KLRF1: variants seen among roughly 807,000 people sequenced by gnomAD.
KLRF1 encodes killer cell lectin like receptor F1.
KLRF1 carries 27 observed loss-of-function variants against 30.7 expected under a neutral mutation model. The ratio of observed to expected loss-of-function variants is 0.88; its 90% CI spans 0.65 to 1.21. The LOEUF (loss-of-function observed/expected upper bound fraction) is 1.21. Among genes scored for constraint, KLRF1 ranks in the 50% most tolerant of loss-of-function variants. The pLI is 0.00. For missense variants in KLRF1, 246 were observed against 259.3 expected (o/e 0.95, Z 0.35); for synonymous variants, 92 against 89.3 (o/e 1.03, Z -0.17).
At chr12:9,823,236 A>AAG (rs1555118987), upstream of KLRF1, among the ~76,000 whole-genome samples, 1 of 144,748 alleles carries the variant, frequency 6.9e-6, no homozygotes, top group East Asian at 1.9e-4. Context: ...AAAAAAAAAA[A>AAG]CAAAAACTCA....
the KLRF1 span, among the ~76,000 whole-genome samples, chr12:9,810,500 T>G: frequency 6.6e-6 from 1 of 152,208 alleles, no homozygotes; most frequent in Non-Finnish European, 1.5e-5. Flanking sequence ...TAAAAGATGT[T>G]TGAAGTCTAA....
chr12:9,812,297 A>G, the KLRF1 span, among the ~76,000 whole-genome samples: 7 of 148,924 alleles, frequency 4.7e-5, no homozygotes, highest in South Asian at 2.1e-4. Context: ...TCCGGGAGTC[A>G]GAGCTTGCAG....
chr12:9,806,769 C>T, the KLRF1 span, among the ~76,000 whole-genome samples: 1 of 152,130 alleles, frequency 6.6e-6, no homozygotes, highest in African/African-American at 2.4e-5. Flanking sequence ...GCAACCTTAA[C>T]CTCTTGGGCT....
intron 3 of KLRF1, among the ~76,000 whole-genome samples, chr12:9,837,159 T>G (rs1867594967): frequency 6.6e-6 from 1 of 152,068 alleles, no homozygotes; most frequent in African/African-American, 2.4e-5. Flanking sequence ...CAAATCTTCT[T>G]TCGGTCTATA....
upstream of KLRF1, among the ~76,000 whole-genome samples, chr12:9,822,680 T>C (rs182099534): frequency 7.2e-5 from 11 of 152,224 alleles, no homozygotes; most frequent in East Asian, 2.1e-3. Flanking sequence ...AGTGGCAAGC[T>C]GGATAAAAAA....
the KLRF1 span, among the ~76,000 whole-genome samples, chr12:9,805,621 G>A: frequency 6.6e-6 from 1 of 151,980 alleles, no homozygotes; most frequent in African/African-American, 2.4e-5. Flanking sequence ...TTAATAATTG[G>A]TAGAATTCAC....
chr12:9,821,737 A>G, the KLRF1 span, among the ~76,000 whole-genome samples: 1 of 152,168 alleles, frequency 6.6e-6, no homozygotes, highest in Non-Finnish European at 1.5e-5. Flanking sequence ...TACAGCCAAC[A>G]CTCAAGTGGG....
the KLRF1 span, among the ~76,000 whole-genome samples, chr12:9,807,788 A>G: frequency 2.6e-5 from 4 of 152,088 alleles, no homozygotes; most frequent in Non-Finnish European, 5.9e-5. Flanking sequence ...TTTCACTGTC[A>G]TGTTTGAAAG....
intron 1 of KLRF1, among the ~76,000 whole-genome samples, chr12:9,828,128 G>A (rs1867322814): frequency 1.3e-5 from 2 of 151,742 alleles, no homozygotes; most frequent in Admixed American, 1.3e-4. Context: ...TGCCCAGGCT[G>A]GAGTGCAATG....
chr12:9,841,488 A>G (rs1168943045), intron 3 of KLRF1, among the ~76,000 whole-genome samples: 1 of 152,114 alleles, frequency 6.6e-6, no homozygotes, highest in Non-Finnish European at 1.5e-5. Flanking sequence ...GTGTGGATAA[A>G]TTCTAAGTGA....
intron 1 of KLRF1, 25 bp from the exon 2 acceptor site, chr12:9,832,291 C>T (rs1199129629): frequency 3.1e-6 from 4 of 1,275,850 alleles, no homozygotes; most frequent in Non-Finnish European, 3.4e-6. Context: ...CTTTTCTAAA[C>T]TAATTCATGT....
chr12:9,800,329 T>A, the KLRF1 span, among the ~76,000 whole-genome samples: 1 of 152,066 alleles, frequency 6.6e-6, no homozygotes, highest in African/African-American at 2.4e-5. Flanking sequence ...TTTCAATAGC[T>A]TTTGGAGTAC....
At chr12:9,834,287 C>G (rs188263670) in intron 3 of KLRF1, among the ~76,000 whole-genome samples, 1 of 152,196 alleles carries the variant, frequency 6.6e-6, no homozygotes, top group Admixed American at 6.5e-5. Flanking sequence ...GGCGTATATA[C>G]GTTCAGGTCA....
At chr12:9,818,732 T>C in the KLRF1 span, among the ~76,000 whole-genome samples, 3 of 152,158 alleles carry the variant, frequency 2.0e-5, no homozygotes, top group African/African-American at 7.2e-5. Flanking sequence ...TTTTATTTAT[T>C]TATTTTTGTA....
intron 3 of KLRF1, among the ~76,000 whole-genome samples, chr12:9,835,297 T>A (rs1311973639): frequency 1.3e-5 from 2 of 151,952 alleles, no homozygotes; most frequent in African/African-American, 4.8e-5. Flanking sequence ...AGTAAAAAGA[T>A]GAGGAGTGCT....
At chr12:9,822,562 C>G (rs1202484227), upstream of KLRF1, among the ~76,000 whole-genome samples, 5 of 152,166 alleles carry the variant, frequency 3.3e-5, no homozygotes, top group African/African-American at 1.2e-4. Flanking sequence ...TGGGGAGATA[C>G]AAGCTGGCAT....
chr12:9,834,721 G>C (rs1867531423), intron 3 of KLRF1, among the ~76,000 whole-genome samples: 2 of 152,162 alleles, frequency 1.3e-5, no homozygotes, highest in African/African-American at 4.8e-5. Flanking sequence ...ATTAGAGAGT[G>C]TCCAAGGGCG....
chr12:9,817,473 C>T, the KLRF1 span: 1 of 430,784 alleles, frequency 2.3e-6, no homozygotes, highest in South Asian at 2.0e-5. Context: ...ACCAGTTCAT[C>T]CTTATTTCGC....
chr12:9,808,019 A>G, the KLRF1 span, among the ~76,000 whole-genome samples: 1 of 152,152 alleles, frequency 6.6e-6, no homozygotes, highest in Non-Finnish European at 1.5e-5. Flanking sequence ...GATTGTATTT[A>G]TAGGAACTAA....
Sources: gnomAD v4.1 joint callset for allele counts (sites outside exome capture counted in the v4.1 genomes callset) on GRCh38, gnomAD v4.1.1 for gene constraint, MANE v1.5 for transcripts, NCBI Gene and HGNC (gene_info 2026-07-23, HGNC 2026-07-21) for gene names.